Variants in AUTS2 observed in about 807,000 individuals in gnomAD.
The protein encoded by AUTS2 is activator of transcription and developmental regulator AUTS2, also known as autism susceptibility gene 2 protein.
AUTS2 carries 17 observed loss-of-function variants against 112.4 expected under a neutral mutation model. The observed-to-expected ratio is 0.15, with a 90% confidence interval of 0.10 to 0.23. AUTS2 has a LOEUF of 0.23. Ranked by LOEUF, AUTS2 falls within the 10% of genes least tolerant of loss-of-function variation. The probability of loss-of-function intolerance (pLI) is 1.00; values close to 1 mark genes in which losing one functional copy is unlikely to be tolerated. For missense variants in AUTS2, 1,510 were observed against 1,701.6 expected (o/e 0.89, Z 1.98); for synonymous variants, 751 against 702.7 (o/e 1.07, Z -1.09).
chr7:70,064,841 A>T (rs753374914), intron 2 of AUTS2, among the ~76,000 whole-genome samples: 4 of 152,176 alleles, frequency 2.6e-5, no homozygotes, highest in Non-Finnish European at 4.4e-5. Context: ...AGTCGTTTGT[A>T]TCATGATTTG....
intron 5 of AUTS2, among the ~76,000 whole-genome samples, chr7:70,488,009 C>A (rs1332567167): frequency 2.0e-5 from 3 of 152,198 alleles, no homozygotes; most frequent in African/African-American, 7.2e-5. Context: ...GTGGTCTGGG[C>A]AAATGCTGCC....
At chr7:70,041,827 A>G (rs1189308255) in intron 2 of AUTS2, among the ~76,000 whole-genome samples, 1 of 152,180 alleles carries the variant, frequency 6.6e-6, no homozygotes, top group Admixed American at 6.5e-5. Flanking sequence ...AGTGAAGGTA[A>G]TATTTTCATT....
At chr7:69,896,209 T>C (rs937639944) in intron 1 of AUTS2, among the ~76,000 whole-genome samples, 1 of 152,244 alleles carries the variant, frequency 6.6e-6, no homozygotes, top group Non-Finnish European at 1.5e-5. Flanking sequence ...GGAATTCAAT[T>C]CAGCAGCCAT....
At chr7:70,257,247 C>A (rs1365273511) in intron 4 of AUTS2, among the ~76,000 whole-genome samples, 1 of 152,084 alleles carries the variant, frequency 6.6e-6, no homozygotes. Context: ...CTCAAGAGAT[C>A]CTGCCACTTC....
rs1290879354 is a variant in AUTS2, at chr7:70,118,246, A to T, written c.624+13A>T. 54 of 184,980 alleles carry T rather than the reference A, an allele frequency of 2.9e-4. No individual in the cohort carries two copies. The highest frequency in any genetic ancestry group is 3.6e-4 in the South Asian group (2 of 5,596). The allele number at this position is 184,980 out of a possible 1,614,324, so 11.5% of individuals were successfully genotyped here. Reference sequence around the variant, plus strand: ...AAGGCTCAGTGATGTAAGTTTAAGTAAAAAAAAAAAAAAAAAAAAAATTAA... The same window carrying T: ...AAGGCTCAGTGATGTAAGTTTAAGTTAAAAAAAAAAAAAAAAAAAAATTAA... On this transcript the variant is annotated intron_variant, in intron 3 of 18. Coordinates refer to ENST00000342771, the MANE Select transcript of AUTS2 (RefSeq NM_015570.4).
chr7:69,975,506 T>C (rs1798017887), intron 2 of AUTS2, among the ~76,000 whole-genome samples: 1 of 152,178 alleles, frequency 6.6e-6, no homozygotes, highest in Non-Finnish European at 1.5e-5. Context: ...TCTTTGGTTA[T>C]AATCCCACAG....
intron 1 of AUTS2, among the ~76,000 whole-genome samples, chr7:69,810,194 C>T (rs186153964): frequency 3.8e-4 from 58 of 152,278 alleles, no homozygotes; most frequent in Admixed American, 3.3e-3. Context: ...CACATAACAG[C>T]GGCTAAGAGT....
rs139155539 is a variant in AUTS2, at chr7:70,318,744, A to G, written c.661-117008A>G. Among the ~76,000 whole-genome samples the G allele has an allele frequency of 1.9e-3, 295 of 152,346 alleles. 1 individual carries two copies. Among genetic ancestry groups the G allele is most frequent in the Non-Finnish European group, 3.0e-3 (201 of 68,032 alleles). ...GGCAGAGGAGGGTTCCAAGAATTTC[A>G]GAAGGCACTGTATAGCTCTGCCAGG... On this transcript the variant is annotated intron_variant, in intron 4 of 18. Coordinates refer to ENST00000342771, the MANE Select transcript of AUTS2 (RefSeq NM_015570.4).
At chr7:70,506,088 C>T (rs188098390) in intron 5 of AUTS2, among the ~76,000 whole-genome samples, 39 of 152,282 alleles carry the variant, frequency 2.6e-4, no homozygotes, top group Non-Finnish European at 4.4e-4. Flanking sequence ...CACGTGATCC[C>T]AGGTGCAGGC....
chr7:70,239,528 G>A lies in AUTS2; in HGVS notation c.660+104957G>A, dbSNP rs185895434. 5.0e-3 allele frequency among the ~76,000 whole-genome samples: 754 copies of A among 151,958 alleles called. 2 individuals carry two copies. The highest frequency in any genetic ancestry group is 7.3e-3 in the Admixed American group (112 of 15,246). On this transcript the variant is annotated intron_variant, in intron 4 of 18. Transcript: ENST00000342771. The stretch of plus-strand genomic sequence containing the variant: ...TTGGCTCACTGCAACCTCTACCTCC[G>A]GAGTTCAAGGGATTCTCCTGCCTAA...
chr7:70,015,721 A>G (rs1012962982), intron 2 of AUTS2, among the ~76,000 whole-genome samples: 2 of 152,168 alleles, frequency 1.3e-5, no homozygotes, highest in Admixed American at 1.3e-4. Flanking sequence ...TTTAAGAAAA[A>G]TTGGTAAAGC....
chr7:70,739,035 T>TTTTTTTG (rs1787946528), intron 6 of AUTS2, among the ~76,000 whole-genome samples: 1 of 82,518 alleles, frequency 1.2e-5, no homozygotes, highest in Non-Finnish European at 2.2e-5. Flanking sequence ...TTTTTTTTTT[T>TTTTTTTG]TTGAGAGAGA....
intron 4 of AUTS2, among the ~76,000 whole-genome samples, chr7:70,252,927 C>T (rs1024036953): frequency 2.6e-5 from 4 of 152,224 alleles, no homozygotes; most frequent in African/African-American, 7.2e-5. Flanking sequence ...TGTTCTCTAT[C>T]CTGTTTCATT....
At chr7:69,910,336 G>A (rs1243301299) in intron 2 of AUTS2, among the ~76,000 whole-genome samples, 1 of 152,210 alleles carries the variant, frequency 6.6e-6, no homozygotes, top group East Asian at 1.9e-4. Context: ...CCAGCAGGCT[G>A]CACTTGGCTC....
chr7:70,790,597 C>A lies in AUTS2; in HGVS notation c.3381C>A (p.His1127Gln). 1 of 1,602,188 alleles carries A rather than the reference C, an allele frequency of 6.2e-7. No homozygotes were observed. Residue 1127 changes from histidine (H) to glutamine (Q), a missense_variant, in exon 19 of 19, where the codon CAC (histidine) becomes CAA (glutamine). By Grantham distance (24) the His-to-Gln change is conservative. Coordinates refer to ENST00000342771, the MANE Select transcript of AUTS2 (RefSeq NM_015570.4). This position sits in a 1 kb window ranked among gnomAD's most constrained non-coding sequence, Gnocchi z 7.6. Reference sequence around the variant, plus strand: ...GGGAGCCTCACGACTACAGCCACCACCACCACCACCACCACCACCCGCTGT... The same window carrying A: ...GGGAGCCTCACGACTACAGCCACCAACACCACCACCACCACCACCCGCTGT... ...RDREPHDYSH[H>Q]HHHHHHPLSV... is the part of the protein sequence containing the mutation.
chr7:70,655,743 C>A (rs1420587040), intron 5 of AUTS2, among the ~76,000 whole-genome samples: 1 of 152,162 alleles, frequency 6.6e-6, no homozygotes, highest in Non-Finnish European at 1.5e-5. Context: ...CATGCCACAT[C>A]AGGGTTCTAC....
chr7:69,724,510 A>G (rs1002934), intron 1 of AUTS2, among the ~76,000 whole-genome samples: 2,324 of 152,304 alleles, frequency 0.015, 61 homozygotes, highest in African/African-American at 0.049. Context: ...TCTCTGGATC[A>G]GCACTTTTCC....
At chr7:70,034,151 A>G (rs1278175103) in intron 2 of AUTS2, among the ~76,000 whole-genome samples, 2 of 152,202 alleles carry the variant, frequency 1.3e-5, no homozygotes, top group South Asian at 2.1e-4. Context: ...ATAAATGTAG[A>G]TATTCTTTTA....
intron 4 of AUTS2, among the ~76,000 whole-genome samples, chr7:70,428,740 T>C (rs972639259): frequency 6.6e-6 from 1 of 152,202 alleles, no homozygotes; most frequent in Non-Finnish European, 1.5e-5. Flanking sequence ...TTGAGCAGAA[T>C]AGAGAGCAAT....
Sources: gnomAD v4.1 joint callset for allele counts (sites outside exome capture counted in the v4.1 genomes callset) on GRCh38, gnomAD v4.1.1 for gene constraint, Gnocchi (gnomAD v3.1) non-coding constraint, MANE v1.5 for transcripts, NCBI Gene and HGNC (gene_info 2026-07-23, HGNC 2026-07-21) for gene names.